C12orf42: variants seen among roughly 807,000 people sequenced by gnomAD.
The protein encoded by C12orf42 is chromosome 12 open reading frame 42.
In C12orf42, 25 loss-of-function variants were observed where a neutral mutation model predicts 21.6. The observed-to-expected ratio is 1.16, with a 90% confidence interval of 0.84 to 1.62. C12orf42 has a LOEUF of 1.62. Among genes scored for constraint, C12orf42 ranks in the 40% most tolerant of loss-of-function variants. The probability of loss-of-function intolerance (pLI) is 0.00; values close to 1 mark genes in which losing one functional copy is unlikely to be tolerated. For synonymous variants in C12orf42, 174 were observed against 175.0 expected (o/e 0.99, Z 0.05); for missense variants, 483 against 459.3 (o/e 1.05, Z -0.47).
chr12:103,265,799 C>CTGTTTTGTTTTGTTTTGTTT (rs3063704), downstream of C12orf42, among the ~76,000 whole-genome samples: 483 of 150,284 alleles, frequency 3.2e-3, 1 homozygote, highest in Middle Eastern at 0.01. Flanking sequence ...ATTTCTTAGG[C>CTGTTTTGTTTTGTTTTGTTT]TGTTTTGTTT....
the C12orf42 span, among the ~76,000 whole-genome samples, chr12:103,076,022 G>A: frequency 1.3e-5 from 2 of 152,212 alleles, no homozygotes; most frequent in African/African-American, 4.8e-5. Flanking sequence ...ACATCTATGT[G>A]ATTTCCAAAG....
the C12orf42 span, among the ~76,000 whole-genome samples, chr12:103,060,586 C>A: frequency 6.6e-6 from 1 of 152,106 alleles, no homozygotes; most frequent in Non-Finnish European, 1.5e-5. Context: ...TACTACAAGG[C>A]TACAGTAACC....
At chr12:103,065,007 G>T in the C12orf42 span, among the ~76,000 whole-genome samples, 4 of 152,170 alleles carry the variant, frequency 2.6e-5, no homozygotes, top group Non-Finnish European at 5.9e-5. Flanking sequence ...CCCCACATTG[G>T]CTCCCTGACT....
intron 1 of C12orf42, among the ~76,000 whole-genome samples, chr12:103,489,302 G>C (rs1167657019): frequency 6.6e-6 from 1 of 152,196 alleles, no homozygotes; most frequent in East Asian, 1.9e-4. Flanking sequence ...AAATAATGCT[G>C]CCTGATCCTT....
At chr12:103,219,019 G>T in the C12orf42 span, among the ~76,000 whole-genome samples, 3 of 151,950 alleles carry the variant, frequency 2.0e-5, no homozygotes, top group Admixed American at 6.6e-5. Flanking sequence ...AGCTGCAGGA[G>T]TTTTTTTTCA....
At chr12:103,049,747 A>G in the C12orf42 span, among the ~76,000 whole-genome samples, 1 of 151,928 alleles carries the variant, frequency 6.6e-6, no homozygotes, top group African/African-American at 2.4e-5. Flanking sequence ...CTTCTACCTC[A>G]TTGCCTTTGC....
the C12orf42 span, among the ~76,000 whole-genome samples, chr12:103,133,922 C>T: frequency 6.6e-6 from 1 of 152,224 alleles, no homozygotes; most frequent in Admixed American, 6.5e-5. Flanking sequence ...AATGTGTTTG[C>T]TTCCCCTTCT....
chr12:103,553,403 C>T, the C12orf42 span, among the ~76,000 whole-genome samples: 4 of 152,076 alleles, frequency 2.6e-5, no homozygotes, highest in South Asian at 2.1e-4. Context: ...GTACTGCAGC[C>T]CTTAAAACAA....
At chr12:103,075,979 G>T in the C12orf42 span, among the ~76,000 whole-genome samples, 1 of 152,156 alleles carries the variant, frequency 6.6e-6, no homozygotes, top group Admixed American at 6.6e-5. Context: ...ATTGAGTTTG[G>T]TTTTGGATAT....
At chr12:103,563,776 C>T in the C12orf42 span, among the ~76,000 whole-genome samples, 1 of 152,212 alleles carries the variant, frequency 6.6e-6, no homozygotes, top group Non-Finnish European at 1.5e-5. Context: ...CAGCAAGAGT[C>T]GGGCAGAGAT....
chr12:103,528,523 G>A, the C12orf42 span, among the ~76,000 whole-genome samples: 114 of 152,254 alleles, frequency 7.5e-4, no homozygotes, highest in East Asian at 0.017. Context: ...TGTGGTGAGG[G>A]AGTTCTAGCT....
intron 4 of C12orf42, among the ~76,000 whole-genome samples, chr12:103,326,907 G>A (rs961042563): frequency 1.3e-5 from 2 of 152,186 alleles, no homozygotes; most frequent in African/African-American, 2.4e-5. Context: ...CATAAGGCAA[G>A]GTCTTTGGCA....
At chr12:103,325,381 A>G (rs1285028915) in intron 4 of C12orf42, among the ~76,000 whole-genome samples, 1 of 152,230 alleles carries the variant, frequency 6.6e-6, no homozygotes, top group Non-Finnish European at 1.5e-5. Context: ...TATCTCTACC[A>G]ATAAATAATT....
chr12:103,508,648 GTTAT>G, the C12orf42 span, among the ~76,000 whole-genome samples: 1 of 151,948 alleles, frequency 6.6e-6, no homozygotes, highest in Non-Finnish European at 1.5e-5. Context: ...TTTATTATTT[GTTAT>G]TTATTTATTT....
chr12:103,344,865 A>G (rs568590094), intron 4 of C12orf42, among the ~76,000 whole-genome samples: 35 of 152,330 alleles, frequency 2.3e-4, no homozygotes, highest in Non-Finnish European at 3.8e-4. Flanking sequence ...AGTGTATCAG[A>G]AAGGACACTG....
chr12:103,281,396 T>G (rs1412379228), intron 4 of C12orf42, among the ~76,000 whole-genome samples: 1 of 152,220 alleles, frequency 6.6e-6, no homozygotes, highest in Non-Finnish European at 1.5e-5. Context: ...GGAGTCTCAC[T>G]CTGTCACCCA....
At chr12:103,328,187 A>T (rs2040882155) in intron 4 of C12orf42, among the ~76,000 whole-genome samples, 1 of 152,180 alleles carries the variant, frequency 6.6e-6, no homozygotes, top group South Asian at 2.1e-4. Context: ...CAATAGTTCC[A>T]GCAAAAATGC....
intron 10 of C12orf42, among the ~76,000 whole-genome samples, chr12:103,258,780 T>G (rs7302493): frequency 0.3 from 46,252 of 151,860 alleles, 7,324 homozygotes; most frequent in East Asian, 0.52. Context: ...AACTGAAGTT[T>G]TGCAAGATTT....
chr12:103,324,684 C>A (rs2136941536), intron 4 of C12orf42, among the ~76,000 whole-genome samples: 1 of 152,302 alleles, frequency 6.6e-6, no homozygotes, highest in South Asian at 2.1e-4. Flanking sequence ...TACAAGTGCT[C>A]ATTTTTCCCT....
Sources: allele counts gnomAD v4.1 joint callset (sites outside exome capture counted in the v4.1 genomes callset), GRCh38; gene constraint gnomAD v4.1.1; transcripts MANE v1.5; gene names NCBI Gene and HGNC (gene_info 2026-07-23, HGNC 2026-07-21).